The following ZNF366 variants were observed in gnomAD, a reference collection of about 807,000 sequenced individuals.
The protein encoded by ZNF366 is dendritic cell-specific transcript protein.
A neutral mutation model predicts 47.2 loss-of-function variants in ZNF366; 20 were observed. That is an observed-to-expected ratio of 0.42 (90% CI 0.30 to 0.62). The LOEUF (loss-of-function observed/expected upper bound fraction) is 0.62, where lower values mean the gene tolerates loss of function less well. Ranked by LOEUF, ZNF366 falls within the 20% of genes least tolerant of loss-of-function variation. The pLI, the probability that ZNF366 is intolerant of heterozygous loss-of-function variation, is 0.16. For missense variants in ZNF366, 987 were observed against 976.3 expected (o/e 1.01, Z -0.15); for synonymous variants, 421 against 395.1 (o/e 1.07, Z -0.78).
chr5:72,443,351 T>A lies in ZNF366; in HGVS notation c.*405A>T, dbSNP rs750467047. On this transcript the variant is annotated 3_prime_UTR_variant, in exon 5 of 5. Coordinates refer to ENST00000318442, the MANE Select transcript of ZNF366 (RefSeq NM_152625.3). Reference sequence around the variant, plus strand: ...ATCTATATGGAAAATATTATAACCTTCACAAATTCACCTAAATAGTTATTA... The same window carrying A: ...ATCTATATGGAAAATATTATAACCTACACAAATTCACCTAAATAGTTATTA... 6.2e-6 allele frequency: 1 copy of A among 160,822 alleles called. No individual in the cohort carries two copies. The highest frequency in any genetic ancestry group is 6.1e-5 in the Admixed American group (1 of 16,450). 10.0% of individuals were successfully genotyped at this position (160,822 alleles called of 1,614,324 possible). A position where few individuals can be genotyped will look rare whatever the true frequency, so the allele number is the denominator to read the frequency against.
intron 1 of ZNF366, among the ~76,000 whole-genome samples, chr5:72,477,495 G>A (rs1442492794): frequency 3.9e-5 from 6 of 152,172 alleles, no homozygotes; most frequent in African/African-American, 1.4e-4. Flanking sequence ...TTAAAACTGA[G>A]GGTGACCAAA....
At chr5:72,499,634 GA>G (rs1227634745) in intron 1 of ZNF366, among the ~76,000 whole-genome samples, 1 of 151,656 alleles carries the variant, frequency 6.6e-6, no homozygotes, top group Non-Finnish European at 1.5e-5. Context: ...ACTTAAAAAA[GA>G]AAAAAACAAC....
chr5:72,465,413 A>G (rs535480282), intron 1 of ZNF366, among the ~76,000 whole-genome samples: 7 of 152,336 alleles, frequency 4.6e-5, no homozygotes, highest in African/African-American at 1.7e-4. Flanking sequence ...TGTCTTCCTG[A>G]GGAGGTAATT....
intron 3 of ZNF366, among the ~76,000 whole-genome samples, chr5:72,454,241 A>C (rs1286627419): frequency 6.6e-6 from 1 of 152,218 alleles, no homozygotes. Context: ...GGAGTGGAGC[A>C]GGAAGGAGCC....
intron 1 of ZNF366, among the ~76,000 whole-genome samples, chr5:72,489,964 T>C (rs1197317767): frequency 6.6e-6 from 1 of 152,224 alleles, no homozygotes; most frequent in Non-Finnish European, 1.5e-5. Flanking sequence ...TTCTGACTCT[T>C]TTCTAGCAGG....
chr5:72,484,855 A>G (rs1743862168), intron 1 of ZNF366, among the ~76,000 whole-genome samples: 1 of 152,240 alleles, frequency 6.6e-6, no homozygotes, highest in Non-Finnish European at 1.5e-5. Context: ...CTAATTAATG[A>G]CAAAGTATTC....
intron 3 of ZNF366, among the ~76,000 whole-genome samples, chr5:72,448,822 A>G (rs1743007342): frequency 6.6e-6 from 1 of 152,192 alleles, no homozygotes; most frequent in African/African-American, 2.4e-5. Flanking sequence ...CTCTCAAATG[A>G]TGATTTGGGG....
chr5:72,467,622 G>A (rs1188004957), intron 1 of ZNF366, among the ~76,000 whole-genome samples: 1 of 152,080 alleles, frequency 6.6e-6, no homozygotes, highest in Non-Finnish European at 1.5e-5. Flanking sequence ...GCATGCCAGG[G>A]GCAAATCTCT....
rs1742917850 is a variant in ZNF366 at position 72,444,305 on chromosome 5, G to A, written c.1700-14C>T. 1.3e-6 allele frequency: 2 copies of A among 1,594,436 alleles called. No homozygotes were observed. Among genetic ancestry groups the A allele is most frequent in the Non-Finnish European group, 1.7e-6 (2 of 1,169,540 alleles). ...CCCTTCCCAGACCTGCAAGAGCAGA[G>A]TAAGAATTCATGCACCTGAGGAAAT... is the stretch of plus-strand genomic sequence containing the variant. On this transcript the variant is annotated splice_polypyrimidine_tract_variant and intron_variant, in intron 4 of 4. Coordinates refer to ENST00000318442, the MANE Select transcript of ZNF366 (RefSeq NM_152625.3).
intron 1 of ZNF366, among the ~76,000 whole-genome samples, chr5:72,464,366 C>T (rs902980556): frequency 3.3e-5 from 5 of 152,078 alleles, no homozygotes; most frequent in East Asian, 1.9e-4. Context: ...AGTCTATGCA[C>T]GTTATTATTG....
intron 1 of ZNF366, among the ~76,000 whole-genome samples, chr5:72,473,288 G>T (rs559302059): frequency 6.6e-5 from 10 of 152,356 alleles, no homozygotes; most frequent in East Asian, 5.8e-4. Context: ...GAGATTGTCA[G>T]TGTGGAGCTC....
chr5:72,498,661 G>A (rs1744156621), intron 1 of ZNF366, among the ~76,000 whole-genome samples: 1 of 152,216 alleles, frequency 6.6e-6, no homozygotes, highest in Admixed American at 6.5e-5. Flanking sequence ...GGAAGTTTAA[G>A]AGATTGAACA....
At position 72,454,689 on chromosome 5, in the gene ZNF366, C is replaced by G. The variant is rs193111474; in HGVS notation, c.1524+1715G>C. On this transcript the variant is annotated intron_variant, in intron 3 of 4. Coordinates refer to ENST00000318442, the MANE Select transcript of ZNF366 (RefSeq NM_152625.3). ...TTAAAAATTCAGTTAATGCTTGAAG[C>G]CCAAGAGTAAACTCAACACAAGGAA... Among the ~76,000 whole-genome samples the G allele has an allele frequency of 2.6e-5, 4 of 152,310 alleles. No homozygotes were observed. The East Asian group carries it at 7.7e-4, about 29-fold the overall frequency.
chr5:72,476,563 G>A (rs1164542279), intron 1 of ZNF366, among the ~76,000 whole-genome samples: 1 of 152,158 alleles, frequency 6.6e-6, no homozygotes, highest in African/African-American at 2.4e-5. Flanking sequence ...GGATACTAAT[G>A]GTGGGGTGTT....
chr5:72,470,694 A>G (rs948827200), intron 1 of ZNF366, among the ~76,000 whole-genome samples: 17 of 152,218 alleles, frequency 1.1e-4, no homozygotes, highest in Non-Finnish European at 1.9e-4. Context: ...CCTGATCCCA[A>G]GCAAAATTTT....
chr5:72,460,498 C>T lies in ZNF366; in HGVS notation c.999G>A (p.Glu333=). The change falls in exon 2 of 5, where the codon GAG becomes GAA. Residue 333 remains glutamate (E), a synonymous_variant. Transcript: ENST00000318442. ...HLKRHMMQHS[E]VKPHNCRVCG... ...ACACGCGGCAGTTGTGCGGCTTCAC[C>T]TCGCTGTGCTGCATCATGTGGCGCT... The T allele has an allele frequency of 6.2e-7, 1 of 1,613,994 alleles. No homozygotes were observed. Among genetic ancestry groups the T allele is most frequent in the South Asian group, 1.1e-5 (1 of 91,068 alleles).
chr5:72,478,865 C>T lies in ZNF366; in HGVS notation c.-14-17355G>A, dbSNP rs192948819. Among the ~76,000 whole-genome samples the T allele has an allele frequency of 2.7e-4, 41 of 152,302 alleles. No individual in the cohort carries two copies. In the East Asian group the frequency reaches 7.3e-3, roughly 27 times the overall value. On this transcript the variant is annotated intron_variant, in intron 1 of 4. Transcript: ENST00000318442. ...TGGGAAGACATTGGCCTCTAAAAATCCCCTGAAATCAGTCCAAAGCCCAGG... is the reference window on the plus strand; with the variant it reads ...TGGGAAGACATTGGCCTCTAAAAATTCCCTGAAATCAGTCCAAAGCCCAGG...
chr5:72,487,370 C>G (rs953197513), intron 1 of ZNF366, among the ~76,000 whole-genome samples: 3 of 152,186 alleles, frequency 2.0e-5, no homozygotes, highest in Admixed American at 6.5e-5. Context: ...TTGCTCTAAA[C>G]AAAGTACTTT....
At chr5:72,506,166 T>TA in intron 1 of ZNF366, among the ~76,000 whole-genome samples, 1 of 152,248 alleles carries the variant, frequency 6.6e-6, no homozygotes, top group Admixed American at 6.5e-5. Flanking sequence ...TTTCAATCAG[T>TA]AAATTTCATA....
Sources: allele counts gnomAD v4.1 joint callset (sites outside exome capture counted in the v4.1 genomes callset), GRCh38; gene constraint gnomAD v4.1.1; transcripts MANE v1.5; gene names NCBI Gene and HGNC (gene_info 2026-07-23, HGNC 2026-07-21).